KAT6B: variants seen among roughly 807,000 people sequenced by gnomAD.
The protein encoded by KAT6B is lysine acetyltransferase 6B.
In KAT6B, 10 loss-of-function variants were observed where a neutral mutation model predicts 187.5. The ratio of observed to expected loss-of-function variants is 0.05; its 90% confidence interval spans 0.03 to 0.09. KAT6B has a LOEUF of 0.09. Ranked by LOEUF, KAT6B falls within the 10% of genes least tolerant of loss-of-function variation. KAT6B has a pLI of 1.00. For missense variants in KAT6B, 1,952 were observed against 2,558.9 expected, an observed-to-expected ratio of 0.76 and a Z score of 5.12; for synonymous variants, 861 against 926.8, an observed-to-expected ratio of 0.93 and a Z score of 1.29.
At chr10:74,959,602 CA>C (rs1840944543) in intron 3 of KAT6B, among the ~76,000 whole-genome samples, 1 of 151,982 alleles carries the variant, frequency 6.6e-6, no homozygotes, top group African/African-American at 2.4e-5. Flanking sequence ...CCATCCTGGC[CA>C]ACATGGTGAA....
intron 3 of KAT6B, among the ~76,000 whole-genome samples, chr10:74,928,993 A>G (rs982061449): frequency 1.3e-5 from 2 of 152,152 alleles, no homozygotes; most frequent in African/African-American, 2.4e-5. Flanking sequence ...CATTCTCACC[A>G]TGGTCAAGAT....
chr10:74,922,091 A>G (rs1848181270), intron 3 of KAT6B, among the ~76,000 whole-genome samples: 2 of 152,220 alleles, frequency 1.3e-5, no homozygotes, highest in South Asian at 4.1e-4. Flanking sequence ...GCACGTTAGT[A>G]TTAGCTTCTG....
intron 11 of KAT6B, chr10:74,982,175 C>CA: frequency 4.3e-6 from 2 of 463,338 alleles, no homozygotes; most frequent in Admixed American, 3.4e-5. Context: ...TCCCTGTCTA[C>CA]ACTAGATATA....
chr10:74,994,113 A>G (rs1458899663), intron 13 of KAT6B, among the ~76,000 whole-genome samples: 5 of 152,188 alleles, frequency 3.3e-5, no homozygotes, highest in Non-Finnish European at 7.3e-5. Flanking sequence ...ATAATTACCA[A>G]ATGGTAATTT....
intron 1 of KAT6B, among the ~76,000 whole-genome samples, chr10:74,833,134 C>CAAAA (rs905808106): frequency 7.7e-5 from 4 of 52,270 alleles, no homozygotes; most frequent in Admixed American, 2.2e-4. Context: ...GACTCTGTCT[C>CAAAA]AAAAAAAAAA....
chr10:74,910,360 C>T (rs1445140179), intron 3 of KAT6B, among the ~76,000 whole-genome samples: 1 of 152,094 alleles, frequency 6.6e-6, no homozygotes, highest in Non-Finnish European at 1.5e-5. Context: ...AGAATTTTTT[C>T]TGTGCCTTTT....
chr10:74,918,862 A>T (rs992878958), intron 3 of KAT6B, among the ~76,000 whole-genome samples: 1 of 152,166 alleles, frequency 6.6e-6, no homozygotes, highest in African/African-American at 2.4e-5. Flanking sequence ...ATATTATTTC[A>T]TTGTCTTTTG....
At chr10:74,950,845 A>T (rs1469921801) in intron 3 of KAT6B, among the ~76,000 whole-genome samples, 1 of 152,148 alleles carries the variant, frequency 6.6e-6, no homozygotes, top group Non-Finnish European at 1.5e-5. Flanking sequence ...CAGGCCAGAC[A>T]TGGTAGCTCA....
At chr10:74,840,179 C>G (rs528229774) in intron 2 of KAT6B, among the ~76,000 whole-genome samples, 1 of 152,266 alleles carries the variant, frequency 6.6e-6, no homozygotes, top group East Asian at 1.9e-4. Flanking sequence ...GAGGAAGTTC[C>G]TGTAATTTGG....
chr10:74,863,866 C>A (rs1431966999), intron 3 of KAT6B, among the ~76,000 whole-genome samples: 1 of 152,110 alleles, frequency 6.6e-6, no homozygotes, highest in African/African-American at 2.4e-5. Context: ...GCTGTTGTTT[C>A]TTATTTTTAA....
At chr10:74,917,345 G>T (rs1348927447) in intron 3 of KAT6B, among the ~76,000 whole-genome samples, 3 of 152,034 alleles carry the variant, frequency 2.0e-5, no homozygotes, top group Non-Finnish European at 4.4e-5. Context: ...CTAAACTGTG[G>T]CCCTTTTTGA....
At chr10:74,976,657 G>T in intron 8 of KAT6B, 1 of 401,160 alleles carries the variant, frequency 2.5e-6, no homozygotes, top group Non-Finnish European at 4.7e-6. Context: ...CTTCTGCCAT[G>T]CTCTCCCCCA....
chr10:74,999,505 A>C (rs2133954002), intron 13 of KAT6B, among the ~76,000 whole-genome samples: 1 of 152,326 alleles, frequency 6.6e-6, no homozygotes, highest in South Asian at 2.1e-4. Context: ...ATAAAGAATG[A>C]GGAGCTCGCC....
At chr10:74,848,503 TCAACAACAACAACAAGAA>T (rs1422637422) in intron 3 of KAT6B, among the ~76,000 whole-genome samples, 2 of 151,868 alleles carry the variant, frequency 1.3e-5, no homozygotes, top group East Asian at 3.9e-4. Context: ...ACACTTCGTT[TCAACAACAACAACAAGAA>T]CAACAACAAC....
Position 75,029,433 on chromosome 10 carries a change from A to G in KAT6B, c.4609A>G (p.Ile1537Val), listed in dbSNP as rs1485842076. The change falls in exon 18 of 18, where the codon ATC (isoleucine) becomes GTC (valine). Residue 1537 changes from isoleucine (I) to valine (V), a missense_variant. By Grantham distance (29) the Ile-to-Val change is conservative. This residue lies in a region of KAT6B where 758 missense variants were observed against 891.4 expected (regional missense o/e 0.85). Transcript: ENST00000287239. The surrounding 1 kb of genome is among the most constrained non-coding windows in gnomAD (Gnocchi z 6.2). ...FKEGNPATME[I>V]DSETVQAVQS... ...AGAGGGAAACCCAGCAACCATGGAAATCGACTCTGAGACTGTCCAGGCCGT... is the reference window on the plus strand; with the variant it reads ...AGAGGGAAACCCAGCAACCATGGAAGTCGACTCTGAGACTGTCCAGGCCGT... The G allele has an allele frequency of 1.9e-6, 3 of 1,613,880 alleles. No homozygotes were observed. The highest frequency in any genetic ancestry group is 1.3e-5 in the African/African-American group (1 of 74,988).
intron 3 of KAT6B, among the ~76,000 whole-genome samples, chr10:74,923,019 A>C (rs1382382101): frequency 1.3e-5 from 2 of 152,204 alleles, no homozygotes; most frequent in Non-Finnish European, 2.9e-5. Context: ...AGGCCCTTAG[A>C]AACAGGTAGA....
chr10:74,897,537 C>T (rs972129888), intron 3 of KAT6B, among the ~76,000 whole-genome samples: 2 of 152,194 alleles, frequency 1.3e-5, no homozygotes, highest in African/African-American at 4.8e-5. Context: ...ACTTTACGGG[C>T]AGAGAAAATT....
chr10:74,960,481 C>T (rs1226797348), intron 4 of KAT6B, among the ~76,000 whole-genome samples: 6 of 151,648 alleles, frequency 4.0e-5, no homozygotes, highest in Admixed American at 2.6e-4. Context: ...ATTTTTTCCC[C>T]AGACTACCCA....
In KAT6B at chr10:74,832,297, CTCTT is replaced by C. The variant is rs565564775; in HGVS notation, c.-329+5515_-329+5518del. ...TTAACAAAGAATCCTGTAATAATCT[CTCTT>C]TCAAAAGAATCATAAAAAAGTTAAG... On this transcript the variant is annotated intron_variant, in intron 1 of 17. Transcript: ENST00000287239. Among the ~76,000 whole-genome samples, 162 of 152,250 alleles carry C rather than the reference CTCTT, an allele frequency of 1.1e-3. 1 individual carries two copies. Among genetic ancestry groups the C allele is most frequent in the African/African-American group, 3.7e-3 (155 of 41,528 alleles).
Sources: allele counts gnomAD v4.1 joint callset (sites outside exome capture counted in the v4.1 genomes callset), GRCh38; gene constraint gnomAD v4.1.1; regional missense constraint gnomAD v4.1.1; non-coding constraint Gnocchi (gnomAD v3.1); transcripts MANE v1.5; gene names NCBI Gene and HGNC (gene_info 2026-07-23, HGNC 2026-07-21).